The following YAF2 variants were observed in gnomAD, a reference collection of about 807,000 sequenced individuals.
YAF2 encodes YY1-associated factor 2.
YAF2 carries 7 observed loss-of-function variants against 20.1 expected under a neutral mutation model. That is an observed-to-expected ratio of 0.35 (90% CI 0.20 to 0.65). YAF2 has a LOEUF of 0.65. YAF2 is among the 30% of genes least tolerant of loss of function. The pLI is 0.69. For missense variants in YAF2, 151 were observed against 219.2 expected (o/e 0.69, Z 1.96); for synonymous variants, 74 against 76.0 (o/e 0.97, Z 0.14).
At chr12:42,188,378 T>C (rs1239001082) in intron 2 of YAF2, among the ~76,000 whole-genome samples, 1 of 150,816 alleles carries the variant, frequency 6.6e-6, no homozygotes, top group Non-Finnish European at 1.5e-5. Flanking sequence ...AATATATATA[T>C]TTTGCTTTTT....
In YAF2 at chr12:42,210,599, A is replaced by G. The variant is rs1284208752; in HGVS notation, c.152+27000T>C. Reference sequence around the variant, plus strand: ...TTCCTTGGTCCTCGAGGCACTCACAATAACTTCAAACAATGTGGATCTGTG... The same window carrying G: ...TTCCTTGGTCCTCGAGGCACTCACAGTAACTTCAAACAATGTGGATCTGTG... On this transcript the variant is annotated intron_variant, in intron 2 of 3. Coordinates refer to ENST00000534854, the MANE Select transcript of YAF2 (RefSeq NM_005748.6). 4.6e-6 allele frequency: 7 copies of G among 1,536,138 alleles called. No homozygotes were observed. In the East Asian group the frequency reaches 7.3e-5, roughly 16 times the overall value.
chr12:42,180,116 T>C (rs2066305273), intron 2 of YAF2, among the ~76,000 whole-genome samples: 1 of 152,202 alleles, frequency 6.6e-6, no homozygotes, highest in Non-Finnish European at 1.5e-5. Flanking sequence ...AAATGGCCAC[T>C]AGTAATCCCT....
chr12:42,193,284 C>T (rs1565620886), intron 2 of YAF2, among the ~76,000 whole-genome samples: 1 of 148,628 alleles, frequency 6.7e-6, no homozygotes, highest in Non-Finnish European at 1.5e-5. Flanking sequence ...TGCTGCACCC[C>T]AGCCTGGGCG....
intron 2 of YAF2, among the ~76,000 whole-genome samples, chr12:42,174,478 T>A (rs2066130826): frequency 6.6e-6 from 1 of 152,230 alleles, no homozygotes; most frequent in East Asian, 1.9e-4. Flanking sequence ...TCCCTTCCAG[T>A]GTCCCAAATT....
chr12:42,225,512 G>A (rs2067663522), intron 2 of YAF2, among the ~76,000 whole-genome samples: 1 of 152,148 alleles, frequency 6.6e-6, no homozygotes, highest in Admixed American at 6.5e-5. Context: ...ATGGTTTTAG[G>A]TCTTATGTTA....
At chr12:42,224,271 A>T (rs1398015681) in intron 2 of YAF2, among the ~76,000 whole-genome samples, 1 of 152,210 alleles carries the variant, frequency 6.6e-6, no homozygotes, top group Non-Finnish European at 1.5e-5. Flanking sequence ...GTTTCCCAGT[A>T]AGCATGTATT....
At chr12:42,227,590 A>C (rs1224907671) in intron 2 of YAF2, among the ~76,000 whole-genome samples, 3 of 132,986 alleles carry the variant, frequency 2.3e-5, no homozygotes, top group Middle Eastern at 4.7e-3. Context: ...AAGTGAGGAG[A>C]CCCTCTGCCT....
rs1272036296 is a variant in YAF2, at chr12:42,159,962, C to CAA, written c.*625_*626dup. ...ATGAATGTTTTGAAAAATAAGCAAA[C>CAA]AAAAAAACCTCAAAAAATAGATAAA... is the stretch of plus-strand genomic sequence containing the variant. On this transcript the variant is annotated 3_prime_UTR_variant, in exon 4 of 4. Coordinates refer to ENST00000534854, the MANE Select transcript of YAF2 (RefSeq NM_005748.6). The CAA allele has an allele frequency of 6.6e-6, 1 of 152,102 alleles. No homozygotes were observed. Among genetic ancestry groups the CAA allele is most frequent in the East Asian group, 1.9e-4 (1 of 5,174 alleles). The allele number at this position is 152,102 out of a possible 1,614,324, so 9.4% of individuals were successfully genotyped here. A position where few individuals can be genotyped will look rare whatever the true frequency, so the allele number is the denominator to read the frequency against.
intron 2 of YAF2, among the ~76,000 whole-genome samples, chr12:42,191,813 C>T (rs192319937): frequency 6.6e-5 from 10 of 152,256 alleles, no homozygotes; most frequent in South Asian, 2.1e-4. Context: ...TTTGGCCATG[C>T]ACAGTGGCTC....
Position 42,158,668 on chromosome 12 carries a change from A to G in YAF2, c.*1921T>C, listed in dbSNP as rs1592137309. On this transcript the variant is annotated 3_prime_UTR_variant, in exon 4 of 4. Transcript: ENST00000534854. Reference sequence around the variant, plus strand: ...TCCATGCTACACCGTGTTCCCGTCTATGTAGAAAGATGAGTATCTTCCCAC... The same window carrying G: ...TCCATGCTACACCGTGTTCCCGTCTGTGTAGAAAGATGAGTATCTTCCCAC... The G allele has an allele frequency of 6.6e-6, 1 of 152,214 alleles. No homozygotes were observed. Among genetic ancestry groups the G allele is most frequent in the Non-Finnish European group, 1.5e-5 (1 of 68,034 alleles). The allele number at this position is 152,214 out of a possible 1,614,324, so 9.4% of individuals were successfully genotyped here. A position where few individuals can be genotyped will look rare whatever the true frequency, so the allele number is the denominator to read the frequency against.
intron 2 of YAF2, among the ~76,000 whole-genome samples, chr12:42,214,802 G>A (rs1381676345): frequency 6.6e-6 from 1 of 150,544 alleles, no homozygotes; most frequent in Non-Finnish European, 1.5e-5. Flanking sequence ...TCAAGAGTTC[G>A]AGACCAGCCG....
chr12:42,226,133 G>A (rs1293497810), intron 2 of YAF2, among the ~76,000 whole-genome samples: 2 of 152,066 alleles, frequency 1.3e-5, no homozygotes, highest in Non-Finnish European at 2.9e-5. Flanking sequence ...TATTCTCCTT[G>A]TAGCAATGGA....
In YAF2 at chr12:42,213,835, A is replaced by G. The variant is rs565950544; in HGVS notation, c.152+23764T>C. Among the ~76,000 whole-genome samples, 9 of 152,282 alleles carry G rather than the reference A, an allele frequency of 5.9e-5. No individual in the cohort carries two copies. The South Asian group carries it at 8.3e-4, about 14-fold the overall frequency. The stretch of plus-strand genomic sequence containing the variant: ...AGGTATTAGTAACAGTAAGGTACAA[A>G]CTCATTCTCTTTTATCTAATCTCAA... On this transcript the variant is annotated intron_variant, in intron 2 of 3. Transcript: ENST00000534854.
At chr12:42,186,544 C>T (rs866082159) in intron 2 of YAF2, among the ~76,000 whole-genome samples, 4 of 151,594 alleles carry the variant, frequency 2.6e-5, no homozygotes, top group Admixed American at 2.0e-4. Context: ...GGCATAGTGG[C>T]GGGTGCCTGT....
chr12:42,184,304 C>CTTA (rs923120101), intron 2 of YAF2, among the ~76,000 whole-genome samples: 4 of 152,068 alleles, frequency 2.6e-5, no homozygotes, highest in South Asian at 2.1e-4. Context: ...ACTTTAAAGA[C>CTTA]TTATTATTAT....
intron 2 of YAF2, among the ~76,000 whole-genome samples, chr12:42,188,383 C>CTTTTT (rs765727694): frequency 4.2e-5 from 5 of 118,850 alleles, no homozygotes; most frequent in African/African-American, 9.5e-5. Flanking sequence ...ATATATTTTG[C>CTTTTT]TTTTTTTTTT....
Position 42,178,171 on chromosome 12 carries a change from G to A in YAF2, c.153-16406C>T, listed in dbSNP as rs756189635. On this transcript the variant is annotated intron_variant, in intron 2 of 3. Coordinates refer to ENST00000534854, the MANE Select transcript of YAF2 (RefSeq NM_005748.6). Reference sequence around the variant, plus strand: ...TATTTAATGTTTTTAATGAATGAACGTTAAACCATCCTACAAAAAATTTCC... The same window carrying A: ...TATTTAATGTTTTTAATGAATGAACATTAAACCATCCTACAAAAAATTTCC... Among the ~76,000 whole-genome samples the A allele has an allele frequency of 5.9e-5, 9 of 152,002 alleles. No homozygotes were observed. The South Asian group carries it at 1.0e-3, about 18-fold the overall frequency.
chr12:42,188,530 C>T (rs2066532218), intron 2 of YAF2, among the ~76,000 whole-genome samples: 2 of 151,630 alleles, frequency 1.3e-5, no homozygotes, highest in Non-Finnish European at 2.9e-5. Context: ...GGATTACAGG[C>T]ATGCACTACC....
chr12:42,218,555 A>G (rs1487450306), intron 2 of YAF2, among the ~76,000 whole-genome samples: 2 of 152,116 alleles, frequency 1.3e-5, no homozygotes, highest in East Asian at 3.8e-4. Flanking sequence ...TTTCCAGAAT[A>G]CATTTTTGGG....
Sources: allele counts gnomAD v4.1 joint callset (sites outside exome capture counted in the v4.1 genomes callset), GRCh38; gene constraint gnomAD v4.1.1; transcripts MANE v1.5; gene names NCBI Gene and HGNC (gene_info 2026-07-23, HGNC 2026-07-21).